DTNA: variants seen among roughly 807,000 people sequenced by gnomAD.
DTNA encodes the protein dystrophin-related protein 3.
Under a neutral mutation model 100.7 loss-of-function variants are expected in DTNA, and 43 were observed. That is an observed-to-expected ratio of 0.43 (90% confidence interval 0.33 to 0.55). DTNA has a LOEUF of 0.55. Ranked by LOEUF, DTNA falls within the 20% of genes least tolerant of loss-of-function variation. The pLI is 0.04. For missense variants in DTNA, 798 were observed against 953.9 expected, an observed-to-expected ratio of 0.84 and a Z score of 2.15; for synonymous variants, 349 against 347.9, an observed-to-expected ratio of 1.00 and a Z score of -0.04.
chr18:34,656,427 C>T (rs983129269), intron 1 of DTNA, among the ~76,000 whole-genome samples: 7 of 152,254 alleles, frequency 4.6e-5, no homozygotes, highest in African/African-American at 7.2e-5. Flanking sequence ...ACAATTGTGT[C>T]GTTTTCCTTC....
intron 1 of DTNA, among the ~76,000 whole-genome samples, chr18:34,552,805 C>A (rs548866409): frequency 1.3e-5 from 2 of 148,320 alleles, no homozygotes; most frequent in Admixed American, 6.6e-5. Context: ...GGTTCCAAGT[C>A]TTTGCTATGG....
At position 34,522,723 on chromosome 18, in the gene DTNA, G is replaced by C. The variant is rs188317634; in HGVS notation, c.-2+29209G>C. Among the ~76,000 whole-genome samples the C allele has an allele frequency of 2.0e-5, 3 of 152,242 alleles. No individual in the cohort carries two copies. In the East Asian group the frequency reaches 5.8e-4, roughly 29 times the overall value. ...GACCCATATGTATGTTGGGTGGAAG[G>C]GCTCCTTGCAGAAAGCTAGCTCTCA... is the stretch of plus-strand genomic sequence containing the variant. On this transcript the variant is annotated intron_variant, in intron 1 of 19. Coordinates refer to the DTNA transcript ENST00000283365.
Position 34,593,952 on chromosome 18 carries a change from A to G in DTNA, c.-2+100438A>G, listed in dbSNP as rs142643447. Among the ~76,000 whole-genome samples, 56 of 152,288 alleles carry G rather than the reference A, an allele frequency of 3.7e-4. 1 individual carries two copies. In the East Asian group the frequency reaches 4.8e-3, roughly 13 times the overall value. Reference sequence around the variant, plus strand: ...ACTAAGTCACTTCCCAATTTGAGAAACAAAAAAAGGAAAAAGGAGAGGAAA... The same window carrying G: ...ACTAAGTCACTTCCCAATTTGAGAAGCAAAAAAAGGAAAAAGGAGAGGAAA... On this transcript the variant is annotated intron_variant, in intron 1 of 19. Coordinates refer to the DTNA transcript ENST00000283365.
chr18:34,636,419 G>A (rs1413745999), intron 1 of DTNA, among the ~76,000 whole-genome samples: 2 of 152,108 alleles, frequency 1.3e-5, no homozygotes, highest in East Asian at 1.9e-4. Context: ...CACAGTGCTG[G>A]GCTGAAAATT....
At chr18:34,865,434 A>G (rs995168254) in intron 17 of DTNA, among the ~76,000 whole-genome samples, 1 of 150,062 alleles carries the variant, frequency 6.7e-6, no homozygotes, top group African/African-American at 2.5e-5. Flanking sequence ...TGTTTTCCTT[A>G]CTCTATTTTA....
chr18:34,669,759 C>T (rs969951590), intron 1 of DTNA, among the ~76,000 whole-genome samples: 1 of 152,224 alleles, frequency 6.6e-6, no homozygotes, highest in Admixed American at 6.5e-5. Context: ...TTGGCCCCCA[C>T]TCTCTTCTGG....
intron 1 of DTNA, among the ~76,000 whole-genome samples, chr18:34,552,563 A>G (rs1601764035): frequency 7.7e-6 from 1 of 129,748 alleles, no homozygotes; most frequent in African/African-American, 2.8e-5. Flanking sequence ...AGAGTGTGAT[A>G]TTCCCCTTCC....
At chr18:34,846,659 G>C (rs1371152679) in intron 13 of DTNA, among the ~76,000 whole-genome samples, 1 of 151,350 alleles carries the variant, frequency 6.6e-6, no homozygotes, top group Non-Finnish European at 1.5e-5. Flanking sequence ...TCTTATGAAT[G>C]ACCAGAAAAA....
intron 1 of DTNA, among the ~76,000 whole-genome samples, chr18:34,578,563 T>C (rs1201074807): frequency 2.8e-5 from 4 of 140,898 alleles, no homozygotes; most frequent in Non-Finnish European, 4.5e-5. Flanking sequence ...TCTGGAAGGG[T>C]TTTTTTGATG....
chr18:34,882,202 G>A lies in DTNA; in HGVS notation c.2295+1G>A, dbSNP rs1357280713. On this transcript the variant is annotated splice_donor_variant, in intron 21 of 22. Transcript: ENST00000444659. LOFTEE classifies it high-confidence loss of function. The stretch of plus-strand genomic sequence containing the variant: ...GAAGCTGCAAGATGAAGCTTATCAG[G>A]TACAGGGATCCAGGCCCACCCCACC... The A allele has an allele frequency of 6.2e-7, 1 of 1,613,718 alleles. No individual in the cohort carries two copies. Among genetic ancestry groups the A allele is most frequent in the Non-Finnish European group, 8.5e-7 (1 of 1,179,852 alleles).
chr18:34,827,803 C>A, intron 10 of DTNA, 127 bp downstream of exon 10: 1 of 961,144 alleles, frequency 1.0e-6, no homozygotes, highest in South Asian at 1.4e-5. Context: ...TTGCAAATAT[C>A]CATTATAAGT....
chr18:34,880,635 G>A (rs568773436), intron 20 of DTNA, among the ~76,000 whole-genome samples: 1 of 152,286 alleles, frequency 6.6e-6, no homozygotes, highest in East Asian at 1.9e-4. Context: ...ACTCAGAGAA[G>A]AAACTAAACA....
intron 1 of DTNA, among the ~76,000 whole-genome samples, chr18:34,663,382 C>T (rs946191231): frequency 2.0e-5 from 3 of 152,090 alleles, no homozygotes; most frequent in Non-Finnish European, 4.4e-5. Context: ...CCAGACTTGT[C>T]TTGAACTCCC....
intron 1 of DTNA, among the ~76,000 whole-genome samples, chr18:34,553,779 G>A (rs1302860578): frequency 2.0e-5 from 3 of 152,154 alleles, no homozygotes; most frequent in Non-Finnish European, 4.4e-5. Flanking sequence ...TTTGGTTACT[G>A]TAGCCTTGTA....
At chr18:34,526,815 A>AT (rs1252839276) in intron 1 of DTNA, among the ~76,000 whole-genome samples, 4 of 152,100 alleles carry the variant, frequency 2.6e-5, no homozygotes, top group African/African-American at 9.7e-5. Context: ...ATGAGAAGCC[A>AT]TTTTTATGGA....
intron 1 of DTNA, among the ~76,000 whole-genome samples, chr18:34,518,681 GTTTTT>G (rs35144785): frequency 1.3e-3 from 178 of 135,200 alleles, no homozygotes; most frequent in African/African-American, 4.8e-3. Context: ...TTGACTTACC[GTTTTT>G]TTTTTTAATT....
At chr18:34,788,282 T>C (rs1568523621) in intron 3 of DTNA, among the ~76,000 whole-genome samples, 1 of 152,218 alleles carries the variant, frequency 6.6e-6, no homozygotes, top group South Asian at 2.1e-4. Context: ...ACTTAGCATT[T>C]CTCAGTGTCA....
intron 1 of DTNA, among the ~76,000 whole-genome samples, chr18:34,621,374 C>G (rs1239085249): frequency 6.6e-6 from 1 of 151,852 alleles, no homozygotes; most frequent in African/African-American, 2.4e-5. Context: ...TGGTCCACTC[C>G]CACGTTCACT....
chr18:34,623,771 A>G (rs2056903020), intron 1 of DTNA, among the ~76,000 whole-genome samples: 2 of 152,220 alleles, frequency 1.3e-5, no homozygotes, highest in African/African-American at 4.8e-5. Context: ...ATGCTGAGAG[A>G]GAAGGCATCA....
Sources: allele counts gnomAD v4.1 joint callset (sites outside exome capture counted in the v4.1 genomes callset), GRCh38; gene constraint gnomAD v4.1.1; transcripts MANE v1.5; gene names NCBI Gene and HGNC (gene_info 2026-07-23, HGNC 2026-07-21).